The following EPDR1 variants were observed in gnomAD, a reference collection of about 807,000 sequenced individuals.
The protein encoded by EPDR1 is mammalian ependymin-related protein 1.
A neutral mutation model predicts 23.7 loss-of-function variants in EPDR1; 27 were observed. The ratio of observed to expected loss-of-function variants is 1.14; its 90% CI spans 0.84 to 1.57. The LOEUF (loss-of-function observed/expected upper bound fraction) is 1.57. Among genes scored for constraint, EPDR1 ranks in the 40% most tolerant of loss-of-function variants. EPDR1 has a pLI of 0.00. For synonymous variants in EPDR1, 137 were observed against 118.2 expected (o/e 1.16, Z -1.03); for missense variants, 349 against 290.4 (o/e 1.20, Z -1.47).
In EPDR1 at chr7:37,929,731, A is replaced by G. The variant is rs564168560; in HGVS notation, c.269+8523A>G. Among the ~76,000 whole-genome samples, 17 of 152,230 alleles carry G rather than the reference A, an allele frequency of 1.1e-4. 1 individual carries two copies. The East Asian group carries it at 3.3e-3, about 29-fold the overall frequency. On this transcript the variant is annotated intron_variant, in intron 1 of 2. Transcript: ENST00000199448. ...CATCGAATTACACTGCAGTGTTTTGAAAAGTTTTCCAGTAGGGTTGAAGTG... is the reference window on the plus strand; with the variant it reads ...CATCGAATTACACTGCAGTGTTTTGGAAAGTTTTCCAGTAGGGTTGAAGTG...
At chr7:37,921,809 A>G (rs1175019482) in intron 1 of EPDR1, among the ~76,000 whole-genome samples, 1 of 152,216 alleles carries the variant, frequency 6.6e-6, no homozygotes. Context: ...TTTACATACT[A>G]TGATCAAAAG....
intron 1 of EPDR1, among the ~76,000 whole-genome samples, chr7:37,928,525 T>G (rs1315617655): frequency 2.0e-5 from 3 of 152,216 alleles, no homozygotes; most frequent in Non-Finnish European, 4.4e-5. Context: ...CCAATCACTT[T>G]TGTCACCATT....
At chr7:37,943,006 G>A (rs1251449107) in intron 1 of EPDR1, among the ~76,000 whole-genome samples, 1 of 152,214 alleles carries the variant, frequency 6.6e-6, no homozygotes, top group Non-Finnish European at 1.5e-5. Flanking sequence ...TGGTTGCCGT[G>A]GAGAGCTTGG....
rs117825781 is a variant in EPDR1 at position 37,950,799 on chromosome 7, G to C, written c.*403G>C. ...AATTAGTGATAATAAAAAGCAGAGT[G>C]ATTTTGGTCAATTTTATTATTAATT... On this transcript the variant is annotated 3_prime_UTR_variant, in exon 3 of 3. Coordinates refer to ENST00000199448, the MANE Select transcript of EPDR1 (RefSeq NM_017549.5). The C allele has an allele frequency of 0.016, 2,512 of 159,092 alleles. 26 individuals are homozygous for C. The highest frequency in any genetic ancestry group is 0.025 in the South Asian group (122 of 4,960). The allele number at this position is 159,092 out of a possible 1,614,324, so 9.9% of individuals were successfully genotyped here. A position where few individuals can be genotyped will look rare whatever the true frequency, so the allele number is the denominator to read the frequency against.
At chr7:37,926,674 A>T (rs1300301492) in intron 1 of EPDR1, 1 of 454,174 alleles carries the variant, frequency 2.2e-6, no homozygotes, top group South Asian at 1.6e-5. Context: ...GATTCAAGTT[A>T]CTTACCTTTG....
chr7:37,921,428 T>C (rs1425695383), intron 1 of EPDR1: 2 of 1,387,032 alleles, frequency 1.4e-6, no homozygotes, highest in Non-Finnish European at 9.3e-7. Context: ...GGGGACTCAG[T>C]AACACCCAGC....
intron 1 of EPDR1, among the ~76,000 whole-genome samples, chr7:37,939,809 A>G (rs1387350446): frequency 6.6e-6 from 1 of 152,222 alleles, no homozygotes; most frequent in Non-Finnish European, 1.5e-5. Flanking sequence ...CTCTGTTGGC[A>G]GGACTATAAA....
At chr7:37,933,600 T>C (rs933712432) in intron 1 of EPDR1, among the ~76,000 whole-genome samples, 6 of 152,226 alleles carry the variant, frequency 3.9e-5, no homozygotes, top group Non-Finnish European at 7.3e-5. Flanking sequence ...TCCTGACTAC[T>C]CCAAATTGTG....
chr7:37,937,203 G>A (rs2598106), intron 1 of EPDR1, among the ~76,000 whole-genome samples: 152,266 of 152,318 alleles, frequency 1, 76,107 homozygotes, highest in Middle Eastern at 1. Flanking sequence ...GAGAAAAGAT[G>A]AAACTGAATC....
At chr7:37,949,071 C>G (rs978520009) in intron 2 of EPDR1, 23 bp downstream of exon 2, 1 of 1,603,542 alleles carries the variant, frequency 6.2e-7, no homozygotes, top group African/African-American at 1.3e-5. Flanking sequence ...AGAATCTAAG[C>G]ATTGTATTCA....
chr7:37,941,159 G>A (rs1445276900), intron 1 of EPDR1, among the ~76,000 whole-genome samples: 1 of 152,158 alleles, frequency 6.6e-6, no homozygotes, highest in African/African-American at 2.4e-5. Flanking sequence ...ATAAATCCAT[G>A]AGTCCAGAGT....
At chr7:37,949,156 A>AT in intron 2 of EPDR1, 108 bp downstream of exon 2, 4 of 1,091,656 alleles carry the variant, frequency 3.7e-6, no homozygotes, top group Non-Finnish European at 5.2e-6. Context: ...TTAATCAAAA[A>AT]TTTTTTAAAG....
At chr7:37,939,686 A>T (rs967681756) in intron 1 of EPDR1, among the ~76,000 whole-genome samples, 1 of 152,198 alleles carries the variant, frequency 6.6e-6, no homozygotes, top group Non-Finnish European at 1.5e-5. Context: ...TGAACTTTTT[A>T]AAGACCCCTC....
In EPDR1 at chr7:37,920,677, C is replaced by T; in HGVS notation, c.-263C>T. On this transcript the variant is annotated 5_prime_UTR_variant, in exon 1 of 3. Coordinates refer to ENST00000199448, the MANE Select transcript of EPDR1 (RefSeq NM_017549.5). ...AGCGGCAGAAGGCAGTGGCAGCAGG[C>T]AGTGGCAGCAGGCAGTGGCCCAGGC... The T allele has an allele frequency of 6.3e-7, 1 of 1,584,024 alleles. No homozygotes were observed. Among genetic ancestry groups the T allele is most frequent in the South Asian group, 1.1e-5 (1 of 89,668 alleles).
chr7:37,941,997 A>G (rs1786179194), intron 1 of EPDR1, among the ~76,000 whole-genome samples: 2 of 152,148 alleles, frequency 1.3e-5, no homozygotes, highest in Non-Finnish European at 2.9e-5. Context: ...TATTTAAAAT[A>G]TTTTATAATA....
chr7:37,935,999 T>TGC (rs1786038148), intron 1 of EPDR1, among the ~76,000 whole-genome samples: 1 of 50,068 alleles, frequency 2.0e-5, no homozygotes, highest in Non-Finnish European at 3.5e-5. Flanking sequence ...ATGGCATATA[T>TGC]ATATATATAT....
rs191827848 is a variant in EPDR1 at position 37,950,186 on chromosome 7, T to C, written c.479-14T>C. 1.3e-6 allele frequency: 2 copies of C among 1,573,614 alleles called. No homozygotes were observed. Among genetic ancestry groups the C allele is most frequent in the East Asian group, 2.3e-5 (1 of 44,238 alleles). The stretch of plus-strand genomic sequence containing the variant: ...GTCTTCTTTATTTAAAAGTCAACTT[T>C]TTTCCTCTTATAGATGAAACCTGGA... On this transcript the variant is annotated splice_polypyrimidine_tract_variant and intron_variant, in intron 2 of 2. Coordinates refer to ENST00000199448, the MANE Select transcript of EPDR1 (RefSeq NM_017549.5).
chr7:37,921,111 AG>A lies in EPDR1; in HGVS notation c.173del (p.Ser58IlefsTer28). 1 of 1,593,776 alleles carries A rather than the reference AG, an allele frequency of 6.3e-7. No individual in the cohort carries two copies. Among genetic ancestry groups the A allele is most frequent in the South Asian group, 1.1e-5 (1 of 90,486 alleles). On this transcript the variant is annotated frameshift_variant, in exon 1 of 3. Transcript: ENST00000199448. LOFTEE classifies it high-confidence loss of function. ...GGGGCGCCAGGTTATGTACCAGCAA[AG>A]TAGCGGGCGCAACAGCCGCGCCCTG... ...WEGRQVMYQQ[S>X]SGRNSRALLS...
Position 37,951,433 on chromosome 7 carries a change from A to G in EPDR1, c.*1037A>G, listed in dbSNP as rs1057257107. On this transcript the variant is annotated 3_prime_UTR_variant, in exon 3 of 3. Coordinates refer to ENST00000199448, the MANE Select transcript of EPDR1 (RefSeq NM_017549.5). The stretch of plus-strand genomic sequence containing the variant: ...GCATCTTGAGCATGCATTTCTCACA[A>G]TAATTATTAAGCTGTGTGATAATTT... 6.6e-6 allele frequency: 1 copy of G among 152,212 alleles called. No homozygotes were observed. Among genetic ancestry groups the G allele is most frequent in the African/African-American group, 2.4e-5 (1 of 41,448 alleles). The allele number at this position is 152,212 out of a possible 1,614,324, so 9.4% of individuals were successfully genotyped here.
Sources: gnomAD v4.1 joint callset for allele counts (sites outside exome capture counted in the v4.1 genomes callset) on GRCh38, gnomAD v4.1.1 for gene constraint, MANE v1.5 for transcripts, NCBI Gene and HGNC (gene_info 2026-07-23, HGNC 2026-07-21) for gene names.